The following RRP15 variants were observed in gnomAD, a reference collection of about 807,000 sequenced individuals.
RRP15 encodes the protein RRP15-like protein.
In RRP15, 18 loss-of-function variants were observed where a neutral mutation model predicts 27.1. The observed-to-expected ratio is 0.66, with a 90% CI of 0.46 to 0.98. RRP15 has a LOEUF of 0.98. RRP15 is among the 50% of genes least tolerant of loss of function. The pLI, the probability that RRP15 is intolerant of heterozygous loss-of-function variation, is 0.00. For missense variants in RRP15, 359 were observed against 337.8 expected (o/e 1.06, Z -0.49); for synonymous variants, 107 against 109.4 (o/e 0.98, Z 0.14).
intron 4 of RRP15, among the ~76,000 whole-genome samples, chr1:218,319,214 G>A (rs1027033170): frequency 3.3e-5 from 5 of 151,646 alleles, no homozygotes; most frequent in African/African-American, 7.3e-5. Context: ...ACAGGCGCCC[G>A]CCACGACGCT....
Position 218,307,495 on chromosome 1 carries a change from G to C in RRP15, c.568G>C (p.Glu190Gln), listed in dbSNP as rs532478913. Residue 190 changes from glutamate to glutamine, a missense_variant, in exon 4 of 5, where the codon GAA becomes CAA. Physicochemically the swap from Glu to Gln is conservative, Grantham distance 29. Transcript: ENST00000366932. Reference protein sequence around the residue: ...HQKNVDEKVKEAGSSMRKRAK... With the variant: ...HQKNVDEKVKQAGSSMRKRAK... ...AAAGAATGTTGATGAAAAGGTTAAGGAAGCTGGAAGTTCTATGAGAAAGCG... is the reference window on the plus strand; with the variant it reads ...AAAGAATGTTGATGAAAAGGTTAAGCAAGCTGGAAGTTCTATGAGAAAGCG... 300 of 1,613,972 alleles carry C rather than the reference G, an allele frequency of 1.9e-4. 1 individual carries two copies. In the South Asian group the frequency reaches 3.0e-3, roughly 16 times the overall value.
At chr1:218,300,544 T>C (rs1655796704) in intron 1 of RRP15, among the ~76,000 whole-genome samples, 1 of 152,178 alleles carries the variant, frequency 6.6e-6, no homozygotes, top group South Asian at 2.1e-4. Context: ...TGGCTTAAAG[T>C]CAAGAGAGTA....
At position 218,288,953 on chromosome 1, in the gene RRP15, G is replaced by T. The variant is rs1434590581; in HGVS notation, c.139+3498G>T. On this transcript the variant is annotated intron_variant, in intron 1 of 4. Coordinates refer to ENST00000366932, the MANE Select transcript of RRP15 (RefSeq NM_016052.4). ...AATTGTATAAGAGGCACCTGTGATG[G>T]TACTACCTTTCAGAGTGACTTTGTG... Among the ~76,000 whole-genome samples the T allele has an allele frequency of 4.6e-5, 7 of 152,016 alleles. No individual in the cohort carries two copies. In the South Asian group the frequency reaches 1.2e-3, roughly 27 times the overall value.
chr1:218,296,324 C>T (rs2102494475), intron 1 of RRP15, among the ~76,000 whole-genome samples: 1 of 152,176 alleles, frequency 6.6e-6, no homozygotes. Flanking sequence ...AGAATCATCA[C>T]CTGTGTAAAT....
intron 1 of RRP15, among the ~76,000 whole-genome samples, chr1:218,293,019 T>C (rs1471220593): frequency 6.6e-6 from 1 of 151,808 alleles, no homozygotes; most frequent in Admixed American, 6.5e-5. Context: ...TTTAAAACTT[T>C]TTTTTCTTAT....
At chr1:218,308,252 A>G (rs1454353510) in intron 4 of RRP15, among the ~76,000 whole-genome samples, 1 of 151,104 alleles carries the variant, frequency 6.6e-6, no homozygotes, top group Non-Finnish European at 1.5e-5. Context: ...TTGTATTTTT[A>G]GTAGAGACGG....
chr1:218,316,857 G>A (rs896310967), intron 4 of RRP15, among the ~76,000 whole-genome samples: 1 of 152,112 alleles, frequency 6.6e-6, no homozygotes, highest in African/African-American at 2.4e-5. Context: ...CTTTTTATCT[G>A]AATTATTGAA....
intron 3 of RRP15, among the ~76,000 whole-genome samples, chr1:218,306,217 C>G (rs1487828044): frequency 2.6e-5 from 4 of 152,118 alleles, no homozygotes; most frequent in Non-Finnish European, 5.9e-5. Flanking sequence ...CACTTTGGAT[C>G]AAAGACAAAG....
At chr1:218,288,413 C>A (rs891317706) in intron 1 of RRP15, among the ~76,000 whole-genome samples, 4 of 152,206 alleles carry the variant, frequency 2.6e-5, no homozygotes, top group Non-Finnish European at 5.9e-5. Flanking sequence ...ACTTTTGGAA[C>A]TTTCCTATGT....
intron 1 of RRP15, among the ~76,000 whole-genome samples, chr1:218,300,764 GAAGGTAGAA>G (rs1655799099): frequency 6.6e-6 from 1 of 152,208 alleles, no homozygotes; most frequent in African/African-American, 2.4e-5. Flanking sequence ...AGACTTCTCA[GAAGGTAGAA>G]ACAGCGGTTA....
At chr1:218,296,240 G>A (rs1469471681) in intron 1 of RRP15, among the ~76,000 whole-genome samples, 1 of 152,132 alleles carries the variant, frequency 6.6e-6, no homozygotes, top group Non-Finnish European at 1.5e-5. Flanking sequence ...AAACTTTGTA[G>A]TGTCTCACAA....
intron 1 of RRP15, among the ~76,000 whole-genome samples, chr1:218,291,742 G>A (rs1308465899): frequency 6.6e-6 from 1 of 151,896 alleles, no homozygotes; most frequent in Non-Finnish European, 1.5e-5. Flanking sequence ...ATGTTGGCCA[G>A]GATAGTCTGG....
intron 4 of RRP15, among the ~76,000 whole-genome samples, chr1:218,312,083 C>T (rs1172242878): frequency 6.6e-6 from 1 of 152,132 alleles, no homozygotes; most frequent in African/African-American, 2.4e-5. Flanking sequence ...CCTGAAGCCC[C>T]AAGAGGGAGT....
intron 2 of RRP15, among the ~76,000 whole-genome samples, chr1:218,303,674 A>C (rs1237924453): frequency 6.6e-6 from 1 of 152,200 alleles, no homozygotes; most frequent in Non-Finnish European, 1.5e-5. Flanking sequence ...GCCAAGAGGA[A>C]TGAGTCTGTA....
intron 3 of RRP15, among the ~76,000 whole-genome samples, chr1:218,305,626 C>T (rs1655887579): frequency 6.6e-6 from 1 of 152,100 alleles, no homozygotes; most frequent in African/African-American, 2.4e-5. Flanking sequence ...GAATTACAGT[C>T]TCTTTGAGAG....
intron 4 of RRP15, among the ~76,000 whole-genome samples, chr1:218,323,742 A>T (rs1317559800): frequency 6.6e-6 from 1 of 152,048 alleles, no homozygotes; most frequent in African/African-American, 2.4e-5. Context: ...GCTTGTTGGC[A>T]CCCAAAGTCC....
chr1:218,308,041 G>C (rs1655928501), intron 4 of RRP15, among the ~76,000 whole-genome samples: 1 of 144,714 alleles, frequency 6.9e-6, no homozygotes, highest in Admixed American at 6.9e-5. Context: ...TTCTCCAGCT[G>C]CCTCAGTAGT....
At position 218,298,618 on chromosome 1, in the gene RRP15, G is replaced by A. The variant is rs73108384; in HGVS notation, c.140-3676G>A. On this transcript the variant is annotated intron_variant, in intron 1 of 4. Transcript: ENST00000366932. Reference sequence around the variant, plus strand: ...TTGAAAGGGAGCTGGAGGTTTGGGGGAAAAGGCAGCAGGAGATAAGAAATG... The same window carrying A: ...TTGAAAGGGAGCTGGAGGTTTGGGGAAAAAGGCAGCAGGAGATAAGAAATG... 4.8e-3 allele frequency among the ~76,000 whole-genome samples: 729 copies of A among 152,250 alleles called. 4 individuals carry two copies. Among genetic ancestry groups the A allele is most frequent in the African/African-American group, 0.017 (699 of 41,546 alleles).
intron 4 of RRP15, among the ~76,000 whole-genome samples, chr1:218,317,832 C>T (rs1656114552): frequency 6.7e-6 from 1 of 150,290 alleles, no homozygotes. Context: ...ACCTCCTGGG[C>T]TCAAGTGATC....
Sources: allele counts gnomAD v4.1 joint callset (sites outside exome capture counted in the v4.1 genomes callset), GRCh38; gene constraint gnomAD v4.1.1; transcripts MANE v1.5; gene names NCBI Gene and HGNC (gene_info 2026-07-23, HGNC 2026-07-21).